The following FOXP1 variants were observed in gnomAD, a reference collection of about 807,000 sequenced individuals.
FOXP1 encodes the protein forkhead box protein P1.
A neutral mutation model predicts 98.2 loss-of-function variants in FOXP1; 15 were observed. The observed-to-expected ratio is 0.15, with a 90% CI of 0.10 to 0.24. The LOEUF is 0.24. Ranked by LOEUF, FOXP1 falls within the 10% of genes least tolerant of loss-of-function variation. FOXP1 has a pLI of 1.00. For missense variants in FOXP1, 633 were observed against 848.5 expected (o/e 0.75, Z 3.15); for synonymous variants, 371 against 314.5 (o/e 1.18, Z -1.90).
intron 20 of FOXP1, among the ~76,000 whole-genome samples, chr3:70,961,195 A>G (rs1169513483): frequency 6.6e-6 from 1 of 151,942 alleles, no homozygotes; most frequent in Non-Finnish European, 1.5e-5. Flanking sequence ...AAGTTGCATT[A>G]CATTACATTT....
intron 12 of FOXP1, among the ~76,000 whole-genome samples, chr3:71,012,865 T>C (rs1259079798): frequency 6.6e-6 from 1 of 152,196 alleles, no homozygotes; most frequent in Non-Finnish European, 1.5e-5. Flanking sequence ...GATGTATACA[T>C]GGGCATATGT....
intron 3 of FOXP1, among the ~76,000 whole-genome samples, chr3:71,414,224 G>A (rs2083019601): frequency 6.6e-6 from 1 of 152,164 alleles, no homozygotes; most frequent in East Asian, 1.9e-4. Context: ...GGAACGTGAT[G>A]GGGATTTCCT....
At chr3:70,970,608 G>C in intron 19 of FOXP1, 128 bp downstream of exon 19, 1 of 829,904 alleles carries the variant, frequency 1.2e-6, no homozygotes, top group Non-Finnish European at 2.1e-6. Flanking sequence ...ATGATGCTTT[G>C]TGCACTTAAG....
At position 71,209,936 on chromosome 3, in the gene FOXP1, C is replaced by A. The variant is rs1394741239; in HGVS notation, c.-11-11544G>T. Among the ~76,000 whole-genome samples the A allele has an allele frequency of 2.6e-5, 4 of 152,266 alleles. No individual in the cohort carries two copies. The South Asian group carries it at 8.3e-4, about 32-fold the overall frequency. ...AGTTTGGTAATTTATCTATATCTTACACTTATAATCAGTTAGCTAATTTTT... is the reference window on the plus strand; with the variant it reads ...AGTTTGGTAATTTATCTATATCTTAAACTTATAATCAGTTAGCTAATTTTT... On this transcript the variant is annotated intron_variant, in intron 5 of 20. Coordinates refer to ENST00000649528, the MANE Select transcript of FOXP1 (RefSeq NM_001349338.3).
intron 2 of FOXP1, among the ~76,000 whole-genome samples, chr3:71,552,245 C>CT (rs1351359912): frequency 6.6e-6 from 1 of 152,098 alleles, no homozygotes; most frequent in East Asian, 1.9e-4. Context: ...TGTCAAATTT[C>CT]TTAGTTTTTG....
At chr3:71,541,061 G>A (rs13079181) in intron 2 of FOXP1, among the ~76,000 whole-genome samples, 6 of 152,322 alleles carry the variant, frequency 3.9e-5, no homozygotes, top group East Asian at 3.9e-4. Flanking sequence ...TGTCTCAACC[G>A]TGGTATGTAA....
chr3:71,161,263 C>A (rs1397428963), intron 6 of FOXP1, among the ~76,000 whole-genome samples: 1 of 152,208 alleles, frequency 6.6e-6, no homozygotes, highest in Non-Finnish European at 1.5e-5. Flanking sequence ...TGGCTGGGCT[C>A]AGCTAGGCGA....
At chr3:71,004,040 C>G (rs1405521753) in intron 12 of FOXP1, among the ~76,000 whole-genome samples, 1 of 151,628 alleles carries the variant, frequency 6.6e-6, no homozygotes, top group Non-Finnish European at 1.5e-5. Flanking sequence ...CTTTATCTAA[C>G]CAACATAAAG....
In FOXP1 at chr3:70,957,732, A is replaced by G. The variant is rs903548093; in HGVS notation, c.*1515T>C. ...CCCCCCAAAGCCCAGGGCCTACATG[A>G]TATCTTCTATGAGTTTTTGTGATAC... On this transcript the variant is annotated 3_prime_UTR_variant, in exon 21 of 21. Coordinates refer to ENST00000649528, the MANE Select transcript of FOXP1 (RefSeq NM_001349338.3). The G allele has an allele frequency of 3.4e-5, 8 of 233,490 alleles. No individual in the cohort carries two copies. The highest frequency in any genetic ancestry group is 6.8e-5 in the Non-Finnish European group (8 of 118,074). 14.5% of individuals were successfully genotyped at this position (233,490 alleles called of 1,614,324 possible).
At chr3:71,319,174 C>T (rs895796557) in intron 4 of FOXP1, among the ~76,000 whole-genome samples, 2 of 152,126 alleles carry the variant, frequency 1.3e-5, no homozygotes, top group Non-Finnish European at 2.9e-5. Flanking sequence ...TTTCAAATAA[C>T]CATTGCACAC....
intron 5 of FOXP1, among the ~76,000 whole-genome samples, chr3:71,260,468 A>G (rs867561262): frequency 2.0e-5 from 3 of 151,940 alleles, no homozygotes; most frequent in African/African-American, 7.3e-5. Flanking sequence ...AAACATTCAC[A>G]TGTTCCTAAA....
chr3:71,085,788 G>A (rs2055020987), intron 7 of FOXP1, among the ~76,000 whole-genome samples: 1 of 113,736 alleles, frequency 8.8e-6, no homozygotes, highest in South Asian at 3.1e-4. Context: ...GGAGTGCAGT[G>A]GTGTGATCTT....
chr3:71,167,191 G>T (rs1272666280), intron 6 of FOXP1, among the ~76,000 whole-genome samples: 2 of 152,142 alleles, frequency 1.3e-5, no homozygotes, highest in Non-Finnish European at 2.9e-5. Flanking sequence ...CAGTACAGCA[G>T]AGCCTGGAGA....
intron 2 of FOXP1, among the ~76,000 whole-genome samples, chr3:71,544,582 G>T (rs1468301506): frequency 2.0e-5 from 3 of 152,178 alleles, no homozygotes; most frequent in Admixed American, 2.0e-4. Context: ...GGAAGGAATG[G>T]CTAAACAATC....
intron 6 of FOXP1, among the ~76,000 whole-genome samples, chr3:71,143,246 G>T (rs976301580): frequency 2.0e-5 from 3 of 152,134 alleles, no homozygotes; most frequent in African/African-American, 7.2e-5. Context: ...TTCTAATAAT[G>T]ATCAGGACAC....
At position 71,517,429 on chromosome 3, in the gene FOXP1, G is replaced by A. The variant is rs139211173; in HGVS notation, c.-297-23874C>T. On this transcript the variant is annotated intron_variant, in intron 2 of 20. Transcript: ENST00000649528. The stretch of plus-strand genomic sequence containing the variant: ...GATTTAGCAGCCAAACTGGCAACAG[G>A]GATTATATTATCAGTAGTATTCTAT... Among the ~76,000 whole-genome samples the A allele has an allele frequency of 2.7e-3, 412 of 152,222 alleles. 2 individuals are homozygous for A. The highest frequency in any genetic ancestry group is 9.5e-3 in the African/African-American group (395 of 41,534).
rs1410892853 is a variant in FOXP1, at chr3:70,979,176, G to A, written c.1147-1147C>T. Among the ~76,000 whole-genome samples, 4 of 150,398 alleles carry A rather than the reference G, an allele frequency of 2.7e-5. No individual in the cohort carries two copies. In the South Asian group the frequency reaches 8.5e-4, roughly 32 times the overall value. On this transcript the variant is annotated intron_variant, in intron 14 of 20. Coordinates refer to ENST00000649528, the MANE Select transcript of FOXP1 (RefSeq NM_001349338.3). ...ACATGCCTGTAGTCCCAGCTACCTAGGAGGCTGAGGTGGGAAGATAGCTTG... is the reference window on the plus strand; with the variant it reads ...ACATGCCTGTAGTCCCAGCTACCTAAGAGGCTGAGGTGGGAAGATAGCTTG...
At chr3:71,108,673 G>A (rs1225387860) in intron 7 of FOXP1, among the ~76,000 whole-genome samples, 9 of 152,176 alleles carry the variant, frequency 5.9e-5, no homozygotes, top group East Asian at 1.9e-4. Context: ...GGCTAAGCAG[G>A]AGAATCGCTT....
At position 71,428,430 on chromosome 3, in the gene FOXP1, G is replaced by A. The variant is rs77552437; in HGVS notation, c.-168+64996C>T. On this transcript the variant is annotated intron_variant, in intron 3 of 20. Transcript: ENST00000649528. ...GATATGCATGCCAGTGCAAAATATG[G>A]CAGCAGTAGAAGTTGACAGAGCTAA... 8.1e-3 allele frequency among the ~76,000 whole-genome samples: 1,228 copies of A among 152,362 alleles called. 7 individuals are homozygous for A. The highest frequency in any genetic ancestry group is 0.012 in the Non-Finnish European group (844 of 68,038).
Sources: allele counts gnomAD v4.1 joint callset (sites outside exome capture counted in the v4.1 genomes callset), GRCh38; gene constraint gnomAD v4.1.1; transcripts MANE v1.5; gene names NCBI Gene and HGNC (gene_info 2026-07-23, HGNC 2026-07-21).